NKIRAS1: variants seen among roughly 807,000 people sequenced by gnomAD.
NKIRAS1 encodes NF-kappa-B inhibitor-interacting Ras-like protein 1.
In NKIRAS1, 16 loss-of-function variants were observed where a neutral mutation model predicts 19.8. The observed-to-expected ratio is 0.81, with a 90% CI of 0.55 to 1.23. The LOEUF (loss-of-function observed/expected upper bound fraction) is 1.23. Among genes scored for constraint, NKIRAS1 ranks in the 50% most tolerant of loss-of-function variants. The probability of loss-of-function intolerance (pLI) is 0.00; values close to 1 mark genes in which losing one functional copy is unlikely to be tolerated. For synonymous variants in NKIRAS1, 88 were observed against 79.0 expected (o/e 1.11, Z -0.61); for missense variants, 184 against 220.0 (o/e 0.84, Z 1.04).
intron 4 of NKIRAS1, among the ~76,000 whole-genome samples, chr3:23,896,906 T>A (rs1702049627): frequency 6.6e-6 from 1 of 150,648 alleles, no homozygotes; most frequent in Admixed American, 6.6e-5. Flanking sequence ...CCACCTGGTG[T>A]GAGAAAGGGA....
chr3:23,930,718 T>G (rs1295571773), intron 1 of NKIRAS1, among the ~76,000 whole-genome samples: 3 of 152,302 alleles, frequency 2.0e-5, no homozygotes, highest in Admixed American at 1.3e-4. Flanking sequence ...TTTTATTTTC[T>G]GAGACAGGGT....
At chr3:23,932,128 A>G (rs1705329153) in intron 1 of NKIRAS1, among the ~76,000 whole-genome samples, 1 of 152,296 alleles carries the variant, frequency 6.6e-6, no homozygotes, top group Non-Finnish European at 1.5e-5. Context: ...TCACAACTAA[A>G]TGGAAGTCAG....
At chr3:23,912,394 A>T (rs926855804) in intron 1 of NKIRAS1, among the ~76,000 whole-genome samples, 10 of 152,340 alleles carry the variant, frequency 6.6e-5, no homozygotes, top group African/African-American at 2.4e-4. Context: ...ATGAACAGAC[A>T]CTTCTCAAAA....
chr3:23,918,329 G>T, upstream of NKIRAS1: 1 of 1,250,800 alleles, frequency 8.0e-7, no homozygotes, highest in Non-Finnish European at 1.1e-6. Context: ...CTATTAGATA[G>T]CATTAACTTA....
At chr3:23,928,887 C>G (rs1423106365) in intron 1 of NKIRAS1, among the ~76,000 whole-genome samples, 1 of 151,374 alleles carries the variant, frequency 6.6e-6, no homozygotes, top group African/African-American at 2.4e-5. Context: ...GTCCCAGCCA[C>G]TTGGTAGGCT....
At chr3:23,918,280 A>C (rs1430274455), upstream of NKIRAS1, 8 of 929,908 alleles carry the variant, frequency 8.6e-6, no homozygotes, top group Non-Finnish European at 1.3e-5. Flanking sequence ...GAGTAGCCTA[A>C]GGTGCATTGA....
intron 4 of NKIRAS1, among the ~76,000 whole-genome samples, chr3:23,898,003 G>A (rs1440657819): frequency 6.6e-6 from 1 of 152,174 alleles, no homozygotes; most frequent in Non-Finnish European, 1.5e-5. Context: ...TCCTTTTACA[G>A]ATAAGGAAAC....
At chr3:23,944,843 G>T (rs1705588406) in intron 1 of NKIRAS1, among the ~76,000 whole-genome samples, 1 of 151,516 alleles carries the variant, frequency 6.6e-6, no homozygotes, top group Non-Finnish European at 1.5e-5. Flanking sequence ...AGCGGGGGGT[G>T]GGGGTGGGGG....
At position 23,926,658 on chromosome 3, in the gene NKIRAS1, C is replaced by A. The variant is rs1042794671; in HGVS notation, c.-139-15208G>T. ...ATTGTATAATTACCACTTCCTTTGT[C>A]AGGGCGATTTTAGGTTTTTAGAAGT... On this transcript the variant is annotated intron_variant, in intron 1 of 4. Transcript: ENST00000421515. The surrounding 1 kb of genome is among the most constrained non-coding windows in gnomAD (Gnocchi z 4.3). Among the ~76,000 whole-genome samples the A allele has an allele frequency of 5.9e-5, 9 of 152,092 alleles. No individual in the cohort carries two copies.
intron 1 of NKIRAS1, among the ~76,000 whole-genome samples, chr3:23,935,381 A>AAC (rs1326215915): frequency 8.8e-6 from 1 of 113,816 alleles, no homozygotes; most frequent in Non-Finnish European, 1.7e-5. Context: ...TGATTAGACA[A>AAC]AAAAAAAAAA....
At chr3:23,930,785 C>G (rs1705301301) in intron 1 of NKIRAS1, among the ~76,000 whole-genome samples, 1 of 152,118 alleles carries the variant, frequency 6.6e-6, no homozygotes, top group East Asian at 1.9e-4. Flanking sequence ...TCATTGCAGC[C>G]TCCACCTCCT....
chr3:23,914,779 G>A (rs1704138510), intron 1 of NKIRAS1, among the ~76,000 whole-genome samples: 2 of 152,222 alleles, frequency 1.3e-5, no homozygotes, highest in African/African-American at 4.8e-5. Context: ...AACTGCAAAT[G>A]TGATTGATAA....
intron 1 of NKIRAS1, among the ~76,000 whole-genome samples, chr3:23,915,701 T>G (rs781410134): frequency 2.0e-4 from 30 of 152,210 alleles, no homozygotes; most frequent in Non-Finnish European, 3.4e-4. Context: ...TCAGCCACAC[T>G]GCTTCCCTGC....
intron 4 of NKIRAS1, among the ~76,000 whole-genome samples, chr3:23,899,536 G>A (rs1702294363): frequency 6.6e-6 from 1 of 152,124 alleles, no homozygotes; most frequent in Non-Finnish European, 1.5e-5. Flanking sequence ...AGACAATGAA[G>A]AGTCCGCCAC....
rs1701554801 is a variant in NKIRAS1 at position 23,892,650 on chromosome 3, G to GT, written c.*444dup. ...GGGTCCAATTTAGACACAAAAAAATGTTTTATAATCCTAGACATTAGATTA... is the reference window on the plus strand; with the variant it reads ...GGGTCCAATTTAGACACAAAAAAATGTTTTTATAATCCTAGACATTAGATTA... On this transcript the variant is annotated 3_prime_UTR_variant, in exon 5 of 5. Transcript: ENST00000425478. 1 of 152,400 alleles carries GT rather than the reference G, an allele frequency of 6.6e-6. No individual in the cohort carries two copies. The highest frequency in any genetic ancestry group is 2.4e-5 in the African/African-American group (1 of 41,434). 9.4% of individuals were successfully genotyped at this position (152,400 alleles called of 1,614,324 possible). A position where few individuals can be genotyped will look rare whatever the true frequency, so the allele number is the denominator to read the frequency against.
In NKIRAS1 at chr3:23,910,839, C is replaced by A; in HGVS notation, c.66G>T (p.Glu22Asp). Reference protein sequence around the residue: ...LLSVGKTAILEQLLYGNHTIG... With the variant: ...LLSVGKTAILDQLLYGNHTIG... ...TAGTATGATTTCCATAAAGGAGCTG[C>A]TCCAAAATTGCAGTTTTCCCCACAG... The change falls in exon 3 of 5, where the codon GAG (glutamate) becomes GAT (aspartate). Residue 22 changes from glutamate to aspartate, a missense_variant. Transcript: ENST00000425478. 1 of 1,613,942 alleles carries A rather than the reference C, an allele frequency of 6.2e-7. No homozygotes were observed. Among genetic ancestry groups the A allele is most frequent in the Non-Finnish European group, 8.5e-7 (1 of 1,179,822 alleles).
At chr3:23,921,494 C>A (rs185552135), upstream of NKIRAS1, 902 of 659,904 alleles carry the variant, frequency 1.4e-3, no homozygotes, top group Non-Finnish European at 1.4e-3. Flanking sequence ...ATACCCTGAC[C>A]GCCCCACAAG....
At chr3:23,915,707 CCTG>C (rs1181160247) in intron 1 of NKIRAS1, among the ~76,000 whole-genome samples, 2 of 152,196 alleles carry the variant, frequency 1.3e-5, no homozygotes, top group African/African-American at 4.8e-5. Flanking sequence ...ACACTGCTTC[CCTG>C]CTGTTCCTCT....
At chr3:23,937,345 GA>G (rs201460077) in intron 1 of NKIRAS1, among the ~76,000 whole-genome samples, 10 of 151,596 alleles carry the variant, frequency 6.6e-5, no homozygotes, top group Admixed American at 5.3e-4. Context: ...AAAAGAAAAA[GA>G]AAAAAAGAAA....
Sources: allele counts gnomAD v4.1 joint callset (sites outside exome capture counted in the v4.1 genomes callset), GRCh38; gene constraint gnomAD v4.1.1; non-coding constraint Gnocchi (gnomAD v3.1); transcripts MANE v1.5; gene names NCBI Gene and HGNC (gene_info 2026-07-23, HGNC 2026-07-21).